USP34: variants seen among roughly 807,000 people sequenced by gnomAD.
USP34 encodes the protein ubiquitin specific peptidase 34.
In USP34, 70 loss-of-function variants were observed where a neutral mutation model predicts 460.3. The observed-to-expected ratio is 0.15, with a 90% confidence interval of 0.13 to 0.19. The LOEUF (loss-of-function observed/expected upper bound fraction) is 0.19. USP34 is among the 10% of genes least tolerant of loss of function. USP34 has a pLI of 1.00. For synonymous variants in USP34, 1,647 were observed against 1,405.3 expected (o/e 1.17, Z -3.85); for missense variants, 3,985 against 4,236.2 (o/e 0.94, Z 1.65).
chr2:61,456,013 G>A (rs777750917), intron 1 of USP34, among the ~76,000 whole-genome samples: 2 of 152,026 alleles, frequency 1.3e-5, no homozygotes, highest in Non-Finnish European at 2.9e-5. Flanking sequence ...CTGTACTCTG[G>A]AACCTTCCTT....
intron 21 of USP34, 62 bp from the exon 22 acceptor site, chr2:61,319,389 T>G (rs1690844759): frequency 3.9e-6 from 5 of 1,271,632 alleles, no homozygotes; most frequent in Non-Finnish European, 5.2e-6. Context: ...AAACTTCTCT[T>G]AGGCATGTGT....
chr2:61,218,759 C>A (rs2103803149), intron 67 of USP34, among the ~76,000 whole-genome samples: 1 of 152,230 alleles, frequency 6.6e-6, no homozygotes, highest in East Asian at 1.9e-4. Flanking sequence ...TGATGTGTGT[C>A]ATGGTTAGAT....
chr2:61,235,008 G>T (rs1688023398), intron 57 of USP34, among the ~76,000 whole-genome samples: 1 of 152,090 alleles, frequency 6.6e-6, no homozygotes, highest in African/African-American at 2.4e-5. Flanking sequence ...ATATTGTATT[G>T]TTTTGAGACA....
At chr2:61,411,629 T>C (rs1558579055) in intron 2 of USP34, among the ~76,000 whole-genome samples, 2 of 152,200 alleles carry the variant, frequency 1.3e-5, no homozygotes, top group Admixed American at 6.5e-5. Flanking sequence ...TGTCATCTTT[T>C]GTCCCATGAT....
intron 1 of USP34, among the ~76,000 whole-genome samples, chr2:61,456,192 T>C (rs1695433257): frequency 2.0e-5 from 3 of 152,248 alleles, no homozygotes; most frequent in Admixed American, 1.3e-4. Flanking sequence ...TAGATATCCG[T>C]GGGCTTACTG....
chr2:61,316,892 T>A (rs989014826), intron 23 of USP34, among the ~76,000 whole-genome samples: 2 of 151,892 alleles, frequency 1.3e-5, no homozygotes, highest in East Asian at 3.9e-4. Context: ...TCTCAAAAAA[T>A]AATAATAATA....
chr2:61,331,794 A>C (rs1691275923), intron 19 of USP34, among the ~76,000 whole-genome samples: 2 of 151,900 alleles, frequency 1.3e-5, no homozygotes, highest in South Asian at 4.1e-4. Context: ...TTTTTTTAAA[A>C]AAATCAAAGA....
chr2:61,215,703 A>G (rs1331715972), intron 67 of USP34, among the ~76,000 whole-genome samples: 1 of 152,252 alleles, frequency 6.6e-6, no homozygotes, highest in Non-Finnish European at 1.5e-5. Flanking sequence ...GCCTTGAGAA[A>G]CAATGATGAT....
At chr2:61,383,857 A>G (rs1318421636) in intron 5 of USP34, among the ~76,000 whole-genome samples, 2 of 152,206 alleles carry the variant, frequency 1.3e-5, no homozygotes, top group East Asian at 3.8e-4. Context: ...TATATTATAT[A>G]TCTTATTTTA....
chr2:61,195,608 G>C (rs950264276), intron 75 of USP34, among the ~76,000 whole-genome samples: 1 of 152,036 alleles, frequency 6.6e-6, no homozygotes, highest in Non-Finnish European at 1.5e-5. Context: ...GGAGGCAGAA[G>C]TTGCAATGAG....
At chr2:61,339,248 G>C in intron 18 of USP34, 103 bp downstream of exon 18, 1 of 1,115,724 alleles carries the variant, frequency 9.0e-7, no homozygotes, top group South Asian at 1.8e-5. Context: ...ATTAATACAG[G>C]TATATGAAAC....
intron 1 of USP34, among the ~76,000 whole-genome samples, chr2:61,436,821 C>T (rs1558593573): frequency 6.6e-6 from 1 of 152,030 alleles, no homozygotes; most frequent in South Asian, 2.1e-4. Context: ...TTTAAAATAA[C>T]TGAAAAAATC....
At chr2:61,351,540 A>G (rs1257008714) in intron 10 of USP34, among the ~76,000 whole-genome samples, 3 of 152,174 alleles carry the variant, frequency 2.0e-5, no homozygotes, top group African/African-American at 7.2e-5. Context: ...TTAGACAAGT[A>G]ATTCCCAATT....
At chr2:61,230,324 G>A (rs1357531196) in intron 58 of USP34, among the ~76,000 whole-genome samples, 4 of 152,058 alleles carry the variant, frequency 2.6e-5, no homozygotes, top group African/African-American at 9.7e-5. Context: ...TCAGGAGTTC[G>A]AGACCAGCCT....
chr2:61,341,946 A>G (rs758404168), intron 16 of USP34, among the ~76,000 whole-genome samples: 19 of 150,958 alleles, frequency 1.3e-4, no homozygotes, highest in Non-Finnish European at 2.1e-4. Flanking sequence ...TATTTTTAGT[A>G]CCAACGGGGT....
At chr2:61,235,966 A>T (rs1688056531) in intron 56 of USP34, 56 bp from the exon 57 acceptor site, 19 of 1,597,112 alleles carry the variant, frequency 1.2e-5, no homozygotes, top group Non-Finnish European at 1.5e-5. Context: ...AATAACAAAA[A>T]CCAAAAGATA....
Position 61,192,886 on chromosome 2 carries a change from A to T in USP34, c.9588+15T>A, listed in dbSNP as rs1172169309. ...TAAGATTAAAGACCAATCATCTAAA[A>T]CTCATTTTCTTTACCTGAGTCTGGC... On this transcript the variant is annotated intron_variant, in intron 76 of 79. Coordinates refer to ENST00000398571, the MANE Select transcript of USP34 (RefSeq NM_014709.4). 6.2e-7 allele frequency: 1 copy of T among 1,608,562 alleles called. No individual in the cohort carries two copies. Among genetic ancestry groups the T allele is most frequent in the East Asian group, 2.2e-5 (1 of 44,784 alleles).
intron 27 of USP34, among the ~76,000 whole-genome samples, chr2:61,305,809 C>A (rs375479209): frequency 2.0e-4 from 31 of 151,758 alleles, no homozygotes; most frequent in South Asian, 6.2e-4. Context: ...CTGTAAAGGA[C>A]AAAAGATAAG....
intron 2 of USP34, among the ~76,000 whole-genome samples, chr2:61,417,701 T>C (rs548208885): frequency 1.3e-5 from 2 of 149,528 alleles, no homozygotes; most frequent in African/African-American, 2.4e-5. Context: ...AAAAAATATA[T>C]ATATAAAATA....
Sources: allele counts gnomAD v4.1 joint callset (sites outside exome capture counted in the v4.1 genomes callset), GRCh38; gene constraint gnomAD v4.1.1; transcripts MANE v1.5; gene names NCBI Gene and HGNC (gene_info 2026-07-23, HGNC 2026-07-21).